The following SETD2 variants were observed in gnomAD, a reference collection of about 807,000 sequenced individuals.
SETD2 encodes SET domain containing 2, histone lysine methyltransferase, also known as histone-lysine N-methyltransferase SETD2.
In SETD2, 31 loss-of-function variants were observed where a neutral mutation model predicts 242.1. That is an observed-to-expected ratio of 0.13 (90% CI 0.10 to 0.17). The LOEUF is 0.17. Among genes scored for constraint, SETD2 ranks in the 10% least tolerant of loss-of-function variants. The pLI is 1.00. For synonymous variants in SETD2, 1,006 were observed against 1,066.5 expected, an observed-to-expected ratio of 0.94 and a Z score of 1.11; for missense variants, 2,481 against 3,046.3, an observed-to-expected ratio of 0.81 and a Z score of 4.37.
Position 47,084,213 on chromosome 3 carries a change from T to C in SETD2, c.5567A>G (p.Asn1856Ser), listed in dbSNP as rs758229404. Residue 1856 changes from asparagine (N) to serine (S), a missense_variant, in exon 12 of 21, where the codon AAC (asparagine) becomes AGC (serine). This residue lies in a region of SETD2 where 203 missense variants were observed against 222.4 expected (regional missense o/e 0.91). Coordinates refer to ENST00000409792, the MANE Select transcript of SETD2 (RefSeq NM_014159.7). ...CAGCTTGGTGGAAGGATCAGGTGTG[T>C]TGAGTGGTGTATGAGCACGCGATGT... is the stretch of plus-strand genomic sequence containing the variant. Reference protein sequence around the residue: ...ENTSRAHTPLNTPDPSTKLST... With the variant: ...ENTSRAHTPLSTPDPSTKLST... The C allele has an allele frequency of 1.9e-6, 3 of 1,614,108 alleles. No individual in the cohort carries two copies. Among genetic ancestry groups the C allele is most frequent in the Admixed American group, 1.7e-5 (1 of 60,000 alleles).
chr3:47,046,646 A>G (rs376758622), intron 15 of SETD2, 25 bp from the exon 16 acceptor site: 22 of 1,598,660 alleles, frequency 1.4e-5, no homozygotes, highest in Middle Eastern at 1.7e-4. Flanking sequence ...GAAGAAATCA[A>G]TAATTTAAGC....
At chr3:47,069,082 C>T (rs537137035) in intron 12 of SETD2, among the ~76,000 whole-genome samples, 20 of 152,184 alleles carry the variant, frequency 1.3e-4, no homozygotes, top group Admixed American at 5.9e-4. Context: ...TGTGAGCCAC[C>T]GCACCCGGCC....
At position 47,115,849 on chromosome 3, in the gene SETD2, T is replaced by C. The variant is rs562027316; in HGVS notation, c.4586+774A>G. 3.3e-5 allele frequency among the ~76,000 whole-genome samples: 5 copies of C among 152,282 alleles called. No individual in the cohort carries two copies. In the South Asian group the frequency reaches 1.0e-3, roughly 32 times the overall value. On this transcript the variant is annotated intron_variant, in intron 4 of 20. Transcript: ENST00000409792. The stretch of plus-strand genomic sequence containing the variant: ...TTAGTAGAGATGGGGTTTCACCATG[T>C]TGGCCAGGCTGATCCTAAACTCCTG...
At chr3:47,112,097 T>C (rs1559732100) in intron 5 of SETD2, among the ~76,000 whole-genome samples, 1 of 150,506 alleles carries the variant, frequency 6.6e-6, no homozygotes, top group South Asian at 2.1e-4. Flanking sequence ...AAGAGGCACT[T>C]GACCTTCATT....
chr3:47,117,809 T>C (rs938604503), intron 3 of SETD2, among the ~76,000 whole-genome samples: 1 of 152,176 alleles, frequency 6.6e-6, no homozygotes, highest in African/African-American at 2.4e-5. Flanking sequence ...CATGCCAGAG[T>C]GTGCAAAGCA....
chr3:47,073,480 AT>A (rs1268076899), intron 12 of SETD2, among the ~76,000 whole-genome samples: 1 of 152,154 alleles, frequency 6.6e-6, no homozygotes, highest in Non-Finnish European at 1.5e-5. Context: ...TGATTAGAAG[AT>A]ACTATACATG....
intron 1 of SETD2, among the ~76,000 whole-genome samples, chr3:47,138,710 C>T (rs920779870): frequency 1.3e-4 from 20 of 152,056 alleles, no homozygotes; most frequent in Non-Finnish European, 1.8e-4. Flanking sequence ...CGTGAGCCAC[C>T]GCGCCCAGTC....
intron 12 of SETD2, among the ~76,000 whole-genome samples, chr3:47,077,068 G>A (rs909238945): frequency 6.6e-6 from 1 of 152,150 alleles, no homozygotes; most frequent in African/African-American, 2.4e-5. Context: ...AATTAAAAGT[G>A]GCAAAGAAGA....
chr3:47,104,437 G>C (rs2042331451), intron 6 of SETD2, among the ~76,000 whole-genome samples: 1 of 152,004 alleles, frequency 6.6e-6, no homozygotes, highest in Non-Finnish European at 1.5e-5. Context: ...CACCTCAGGA[G>C]ACTGAGGTGG....
chr3:47,034,155 C>T (rs1297736957), intron 18 of SETD2, among the ~76,000 whole-genome samples: 6 of 152,092 alleles, frequency 3.9e-5, no homozygotes, highest in Admixed American at 6.5e-5. Context: ...TTATTATTTG[C>T]GGATTTATTT....
chr3:47,030,946 T>C (rs1164115420), intron 18 of SETD2, among the ~76,000 whole-genome samples: 1 of 152,198 alleles, frequency 6.6e-6, no homozygotes, highest in African/African-American at 2.4e-5. Flanking sequence ...TGAAAAGACA[T>C]GGTGGAAGCC....
intron 17 of SETD2, among the ~76,000 whole-genome samples, chr3:47,039,035 A>T (rs1306469112): frequency 6.6e-6 from 1 of 152,162 alleles, no homozygotes; most frequent in Non-Finnish European, 1.5e-5. Context: ...CTTACCTCTG[A>T]CCTATGGAAC....
chr3:47,028,285 G>A (rs1266756242), intron 18 of SETD2, among the ~76,000 whole-genome samples: 1 of 152,146 alleles, frequency 6.6e-6, no homozygotes, highest in East Asian at 1.9e-4. Context: ...GAAAACCCAC[G>A]CACAGCATGG....
chr3:47,063,845 C>T (rs1376793294), intron 13 of SETD2, among the ~76,000 whole-genome samples: 3 of 151,868 alleles, frequency 2.0e-5, no homozygotes, highest in East Asian at 1.9e-4. Context: ...TAGCTGGGCA[C>T]GGTGGCAGGT....
rs555594366 is a variant in SETD2 at position 47,017,800 on chromosome 3, T to C, written c.7432-61A>G. 3 of 1,158,280 alleles carry C rather than the reference T, an allele frequency of 2.6e-6. No homozygotes were observed. The highest frequency in any genetic ancestry group is 1.2e-5 in the South Asian group (1 of 81,402). 71.8% of individuals were successfully genotyped at this position (1,158,280 alleles called of 1,614,324 possible). The stretch of plus-strand genomic sequence containing the variant: ...GTCCAGAGAGGGCAAGGAGTTGTAC[T>C]GAGGAAATAACTAGAAAAGGTAGTG... On this transcript the variant is annotated intron_variant, in intron 19 of 20. Transcript: ENST00000409792. The surrounding 1 kb of genome is among the most constrained non-coding windows in gnomAD (Gnocchi z 4.8).
intron 5 of SETD2, 138 bp downstream of exon 5, chr3:47,113,738 C>T: frequency 1.4e-6 from 1 of 707,402 alleles, no homozygotes; most frequent in Non-Finnish European, 2.2e-6. Context: ...ACTTGAGAGG[C>T]TAAGGCAGGA....
intron 12 of SETD2, among the ~76,000 whole-genome samples, chr3:47,077,151 C>T (rs2041117274): frequency 6.6e-6 from 1 of 152,176 alleles, no homozygotes; most frequent in African/African-American, 2.4e-5. Context: ...ATGGTGCAAT[C>T]TCAGCTCACT....
chr3:47,112,794 T>TGG (rs1261463954), intron 5 of SETD2, among the ~76,000 whole-genome samples: 1 of 152,206 alleles, frequency 6.6e-6, no homozygotes, highest in African/African-American at 2.4e-5. Context: ...TTCGCCATGT[T>TGG]GGCCAGGCTG....
chr3:47,086,773 C>G (rs1302613352), intron 10 of SETD2, among the ~76,000 whole-genome samples: 1 of 151,088 alleles, frequency 6.6e-6, no homozygotes, highest in African/African-American at 2.4e-5. Flanking sequence ...TGGCTTACAA[C>G]TACAATCTCA....
Sources: gnomAD v4.1 joint callset for allele counts (sites outside exome capture counted in the v4.1 genomes callset) on GRCh38, gnomAD v4.1.1 for gene constraint, gnomAD v4.1.1 regional missense constraint, Gnocchi (gnomAD v3.1) non-coding constraint, MANE v1.5 for transcripts, NCBI Gene and HGNC (gene_info 2026-07-23, HGNC 2026-07-21) for gene names.